The following TMEM40 variants were observed in gnomAD, a reference collection of about 807,000 sequenced individuals.
TMEM40 encodes the protein transmembrane protein 40.
In TMEM40, 34 loss-of-function variants were observed where a neutral mutation model predicts 40.8. The ratio of observed to expected loss-of-function variants is 0.83; its 90% confidence interval spans 0.63 to 1.11. The LOEUF (loss-of-function observed/expected upper bound fraction) is 1.11. Ranked by LOEUF, TMEM40 falls within the 50% of genes least tolerant of loss-of-function variation. The pLI, the probability that TMEM40 is intolerant of heterozygous loss-of-function variation, is 0.00. For synonymous variants in TMEM40, 106 were observed against 107.0 expected, an observed-to-expected ratio of 0.99 and a Z score of 0.06; for missense variants, 296 against 280.2, an observed-to-expected ratio of 1.06 and a Z score of -0.40.
At position 12,749,763 on chromosome 3, in the gene TMEM40, C is replaced by G. The variant is rs775566858; in HGVS notation, c.70G>C (p.Asp24His). Residue 24 changes from aspartate to histidine, a missense_variant, in exon 2 of 12, where the codon GAC (aspartate) becomes CAC (histidine). Asp to His is a moderately conservative substitution (Grantham distance 81). Coordinates refer to ENST00000314124, the MANE Select transcript of TMEM40 (RefSeq NM_018306.4). Reference sequence around the variant, plus strand: ...GGGTCAGAGAAGGCAAACGTACAGTCTACATCTTCTGTTTCTCTGTGGACT... The same window carrying G: ...GGGTCAGAGAAGGCAAACGTACAGTGTACATCTTCTGTTTCTCTGTGGACT... ...SQVHRETEDV[D>H]YGETDFHKQD... The G allele has an allele frequency of 6.2e-7, 1 of 1,614,034 alleles. No homozygotes were observed.
intron 1 of TMEM40, among the ~76,000 whole-genome samples, chr3:12,764,711 G>A (rs2061586268): frequency 1.3e-5 from 2 of 152,164 alleles, no homozygotes; most frequent in Admixed American, 6.5e-5. Flanking sequence ...CTTGGCTGAA[G>A]GCAGAAAGTT....
intron 1 of TMEM40, 136 bp from the exon 2 acceptor site, chr3:12,749,976 T>A (rs1263007368): frequency 1.7e-5 from 15 of 902,798 alleles, no homozygotes; most frequent in Non-Finnish European, 2.3e-5. Context: ...ACAAAAAAAA[T>A]GGTAGTTCTG....
intron 1 of TMEM40, among the ~76,000 whole-genome samples, chr3:12,757,950 G>A (rs370329380): frequency 4.4e-4 from 67 of 152,038 alleles, no homozygotes; most frequent in African/African-American, 1.5e-3. Flanking sequence ...TGATCCACCC[G>A]CCTCAGCCTC....
At chr3:12,769,355 G>A in exon 1 of TMEM40, 1 of 260,914 alleles carries the variant, frequency 3.8e-6, no homozygotes, top group South Asian at 2.6e-5. Context: ...GCCAGAGTGG[G>A]CGCCGAGGCT....
In TMEM40 at chr3:12,749,756, G is replaced by A. The variant is rs3773330; in HGVS notation, c.73+4C>T. On this transcript the variant is annotated splice_donor_region_variant and intron_variant, in intron 2 of 11. Transcript: ENST00000314124. ...GCCCAGAGGGTCAGAGAAGGCAAAC[G>A]TACAGTCTACATCTTCTGTTTCTCT... 10,479 of 1,613,358 alleles carry A rather than the reference G, an allele frequency of 6.5e-3. 127 individuals carry two copies. Among genetic ancestry groups the A allele is most frequent in the East Asian group, 0.029 (1,292 of 44,876 alleles).
intron 3 of TMEM40, among the ~76,000 whole-genome samples, chr3:12,746,087 G>A (rs547349757): frequency 1.2e-3 from 183 of 151,644 alleles, no homozygotes; most frequent in Non-Finnish European, 2.2e-3. Flanking sequence ...TATTAGAGAC[G>A]AGGTTTCACC....
At position 12,750,868 on chromosome 3, in the gene TMEM40, A is replaced by G. The variant is rs545984887; in HGVS notation, c.-8-1028T>C. ...GCCAGTAGCACTTTCCTGTTCAGCT[A>G]TAACAATAAAAATGTCTCCAGACAT... On this transcript the variant is annotated intron_variant, in intron 1 of 11. Coordinates refer to ENST00000314124, the MANE Select transcript of TMEM40 (RefSeq NM_018306.4). Among the ~76,000 whole-genome samples the G allele has an allele frequency of 2.0e-5, 3 of 152,302 alleles. No individual in the cohort carries two copies. The South Asian group carries it at 6.2e-4, about 32-fold the overall frequency.
Position 12,736,773 on chromosome 3 carries a change from A to G in TMEM40, c.535T>C (p.Tyr179His), listed in dbSNP as rs776220889. 14 of 1,614,076 alleles carry G rather than the reference A, an allele frequency of 8.7e-6. No homozygotes were observed. The highest frequency in any genetic ancestry group is 7.6e-6 in the Non-Finnish European group (9 of 1,180,022). ...AIGALLVCYH[Y>H]YADWFMSLGV... ...GGGCACCTCCCCTCACCTGCGTAATAGTGATAACACACCAGCAAGGCCCCG... is the reference window on the plus strand; with the variant it reads ...GGGCACCTCCCCTCACCTGCGTAATGGTGATAACACACCAGCAAGGCCCCG... The change falls in exon 9 of 12, where the codon TAT (tyrosine) becomes CAT (histidine). Residue 179 changes from tyrosine (Y) to histidine (H), a missense_variant. By Grantham distance (83) the Tyr-to-His change is moderately conservative. Transcript: ENST00000314124.
At chr3:12,767,046 C>T (rs1010021267) in intron 1 of TMEM40, among the ~76,000 whole-genome samples, 1 of 152,100 alleles carries the variant, frequency 6.6e-6, no homozygotes, top group Non-Finnish European at 1.5e-5. Flanking sequence ...CAAAAAGGAC[C>T]CTATGTCCAG....
chr3:12,743,725 C>A (rs1315950040), intron 4 of TMEM40, among the ~76,000 whole-genome samples, 175 bp downstream of exon 4: 1 of 152,174 alleles, frequency 6.6e-6, no homozygotes, highest in African/African-American at 2.4e-5. Flanking sequence ...AGATGAAGAG[C>A]AGAGCTGTCA....
At chr3:12,745,450 A>G (rs1255021969) in intron 3 of TMEM40, among the ~76,000 whole-genome samples, 1 of 151,258 alleles carries the variant, frequency 6.6e-6, no homozygotes, top group African/African-American at 2.5e-5. Context: ...TGATATATTC[A>G]TAATACAATT....
intron 1 of TMEM40, among the ~76,000 whole-genome samples, chr3:12,769,059 T>C (rs899192132): frequency 2.6e-5 from 4 of 152,020 alleles, no homozygotes; most frequent in Non-Finnish European, 5.9e-5. Context: ...GCAGCGCCAG[T>C]AGGCTGGCAT....
At chr3:12,755,241 T>TC (rs1559533419) in intron 1 of TMEM40, among the ~76,000 whole-genome samples, 2 of 91,848 alleles carry the variant, frequency 2.2e-5, no homozygotes, top group Non-Finnish European at 4.2e-5. Context: ...CTCTCTTTCT[T>TC]TCTTTCTTTC....
rs550278148 is a variant in TMEM40 at position 12,736,800 on chromosome 3, T to C, written c.508A>G (p.Ile170Val). ...TGATAACACACCAGCAAGGCCCCGA[T>C]GGCAAAGCACAGGAGGACGAAATGG... ...FFHFVLLCFA[I>V]GALLVCYHYY... Residue 170 changes from isoleucine to valine, a missense_variant, in exon 9 of 12, where the codon ATC becomes GTC. By Grantham distance (29) the Ile-to-Val change is conservative. Transcript: ENST00000314124. 20 of 1,614,106 alleles carry C rather than the reference T, an allele frequency of 1.2e-5. No individual in the cohort carries two copies. Among genetic ancestry groups the C allele is most frequent in the African/African-American group, 6.7e-5 (5 of 75,026 alleles).
intron 11 of TMEM40, 21 bp downstream of exon 11, chr3:12,735,533 AC>A: frequency 6.2e-7 from 1 of 1,611,114 alleles, no homozygotes; most frequent in South Asian, 1.1e-5. Flanking sequence ...ATGAGTGAAC[AC>A]AGGAAGACTT....
intron 5 of TMEM40, among the ~76,000 whole-genome samples, chr3:12,739,438 C>T (rs1048144299): frequency 6.6e-6 from 1 of 151,962 alleles, no homozygotes; most frequent in Non-Finnish European, 1.5e-5. Flanking sequence ...GCGCCCGCCA[C>T]CACGCCTGGC....
chr3:12,764,087 A>AT (rs1198081516), upstream of TMEM40, among the ~76,000 whole-genome samples: 3 of 151,678 alleles, frequency 2.0e-5, no homozygotes, highest in African/African-American at 7.3e-5. Flanking sequence ...TAATTTTTGT[A>AT]TTTTTAGTAG....
At chr3:12,743,087 T>C (rs1227261292) in intron 4 of TMEM40, among the ~76,000 whole-genome samples, 2 of 152,214 alleles carry the variant, frequency 1.3e-5, no homozygotes, top group East Asian at 1.9e-4. Context: ...TACTATACAA[T>C]AATTCACCCC....
intron 5 of TMEM40, among the ~76,000 whole-genome samples, chr3:12,739,549 G>T (rs2061365492): frequency 6.6e-6 from 1 of 152,064 alleles, no homozygotes; most frequent in Non-Finnish European, 1.5e-5. Context: ...CTCCCAAAGT[G>T]CTGGGATTAC....
Sources: gnomAD v4.1 joint callset for allele counts (sites outside exome capture counted in the v4.1 genomes callset) on GRCh38, gnomAD v4.1.1 for gene constraint, MANE v1.5 for transcripts, NCBI Gene and HGNC (gene_info 2026-07-23, HGNC 2026-07-21) for gene names.